Variants in OGDH observed in about 807,000 individuals in gnomAD.
OGDH encodes the protein 2-oxoglutarate dehydrogenase complex component E1.
A neutral mutation model predicts 116.6 loss-of-function variants in OGDH; 38 were observed. That is an observed-to-expected ratio of 0.33 (90% CI 0.25 to 0.43). The LOEUF (loss-of-function observed/expected upper bound fraction) is 0.43, where lower values mean the gene tolerates loss of function less well. Among genes scored for constraint, OGDH ranks in the 20% least tolerant of loss-of-function variants. The pLI is 1.00. For missense variants in OGDH, 825 were observed against 1,357.2 expected, an observed-to-expected ratio of 0.61 and a Z score of 6.16; for synonymous variants, 488 against 533.3, an observed-to-expected ratio of 0.92 and a Z score of 1.17.
At chr7:44,674,233 T>G (rs1182821354) in intron 6 of OGDH, among the ~76,000 whole-genome samples, 178 bp from the exon 7 acceptor site, 3 of 152,140 alleles carry the variant, frequency 2.0e-5, no homozygotes, top group Non-Finnish European at 4.4e-5. Flanking sequence ...TTAGTAGAGA[T>G]GAGGTTTCAC....
At position 44,693,812 on chromosome 7, in the gene OGDH, A is replaced by G. The variant is rs1172257201; in HGVS notation, c.1336-13A>G. 4 of 1,568,528 alleles carry G rather than the reference A, an allele frequency of 2.6e-6. No individual in the cohort carries two copies. The highest frequency in any genetic ancestry group is 2.7e-5 in the African/African-American group (2 of 74,152). The stretch of plus-strand genomic sequence containing the variant: ...GCCAGGTGCCCTCTTGCTAGGCTAC[A>G]TGTTCCTTGCAGATCGGCTTCACCA... On this transcript the variant is annotated splice_polypyrimidine_tract_variant and intron_variant, in intron 10 of 22. Coordinates refer to ENST00000222673, the MANE Select transcript of OGDH (RefSeq NM_002541.4).
intron 4 of OGDH, among the ~76,000 whole-genome samples, chr7:44,658,918 C>T (rs1562647345): frequency 6.6e-6 from 1 of 152,076 alleles, no homozygotes; most frequent in African/African-American, 2.4e-5. Flanking sequence ...TCACTGCAAC[C>T]TCCACCTCCC....
chr7:44,664,221 C>A (rs1465068624), intron 4 of OGDH, among the ~76,000 whole-genome samples: 1 of 152,162 alleles, frequency 6.6e-6, no homozygotes, highest in Non-Finnish European at 1.5e-5. Flanking sequence ...TTGTTATTGC[C>A]AGCAGAGGTG....
chr7:44,627,995 C>G (rs1785275330), intron 2 of OGDH, among the ~76,000 whole-genome samples: 1 of 152,186 alleles, frequency 6.6e-6, no homozygotes, highest in Non-Finnish European at 1.5e-5. Flanking sequence ...ATTTTTAAAT[C>G]TGTGTTTTAT....
intron 1 of OGDH, among the ~76,000 whole-genome samples, chr7:44,618,867 G>A (rs930629481): frequency 1.3e-5 from 2 of 152,228 alleles, no homozygotes; most frequent in African/African-American, 4.8e-5. Context: ...ACACCCACAG[G>A]AAGGAATCCT....
At chr7:44,627,133 A>G (rs1350284589) in intron 2 of OGDH, among the ~76,000 whole-genome samples, 1 of 152,162 alleles carries the variant, frequency 6.6e-6, no homozygotes, top group Non-Finnish European at 1.5e-5. Context: ...AGTAGCTGGG[A>G]TTACAGGCCT....
At chr7:44,674,701 A>T in intron 7 of OGDH, 144 bp downstream of exon 7, 2 of 865,744 alleles carry the variant, frequency 2.3e-6, no homozygotes, top group Non-Finnish European at 3.6e-6. Flanking sequence ...CTGAGGGTGT[A>T]TTGCTTTGCA....
chr7:44,633,679 A>G (rs1331268259), intron 2 of OGDH, among the ~76,000 whole-genome samples: 1 of 152,132 alleles, frequency 6.6e-6, no homozygotes, highest in South Asian at 2.1e-4. Context: ...GTCACGTGGT[A>G]TTCCCTCTGA....
At chr7:44,686,929 C>G (rs1194786502) in intron 10 of OGDH, among the ~76,000 whole-genome samples, 1 of 151,502 alleles carries the variant, frequency 6.6e-6, no homozygotes, top group African/African-American at 2.4e-5. Context: ...TCAGGTGATC[C>G]ACCCGCCTCA....
chr7:44,609,077 A>G (rs1049392080), intron 1 of OGDH, among the ~76,000 whole-genome samples: 1 of 152,066 alleles, frequency 6.6e-6, no homozygotes, highest in Non-Finnish European at 1.5e-5. Context: ...GGTAACCACT[A>G]ATCTGTTCTT....
chr7:44,676,360 A>G, intron 9 of OGDH: 2 of 1,059,362 alleles, frequency 1.9e-6, no homozygotes, highest in South Asian at 1.7e-5. Flanking sequence ...GTTGGAGACC[A>G]GCCTGACCAA....
chr7:44,680,602 A>C (rs995027030), intron 9 of OGDH, among the ~76,000 whole-genome samples: 2 of 152,164 alleles, frequency 1.3e-5, no homozygotes, highest in Non-Finnish European at 2.9e-5. Flanking sequence ...GTGCGCCTGC[A>C]TATGCACACA....
At chr7:44,614,976 A>T (rs1426441447) in intron 1 of OGDH, among the ~76,000 whole-genome samples, 1 of 151,778 alleles carries the variant, frequency 6.6e-6, no homozygotes, top group African/African-American at 2.4e-5. Context: ...GATTACAGGC[A>T]TGTGCCACCA....
chr7:44,707,326 C>T lies in OGDH; in HGVS notation c.2734C>T (p.Leu912Phe). The change falls in exon 21 of 23, where the codon CTC (leucine) becomes TTC (phenylalanine). Residue 912 changes from leucine to phenylalanine, a missense_variant. Transcript: ENST00000222673. The surrounding 1 kb of genome is among the most constrained non-coding windows in gnomAD (Gnocchi z 5.2). ...LFCTGKVYYD[L>F]TRERKARDMV... Reference sequence around the variant, plus strand: ...CTGCACCGGCAAAGTGTATTATGACCTCACCCGGGAGCGCAAAGCACGCGA... The same window carrying T: ...CTGCACCGGCAAAGTGTATTATGACTTCACCCGGGAGCGCAAAGCACGCGA... 1.2e-6 allele frequency: 2 copies of T among 1,614,256 alleles called. No individual in the cohort carries two copies. The highest frequency in any genetic ancestry group is 1.7e-6 in the Non-Finnish European group (2 of 1,180,042).
intron 2 of OGDH, among the ~76,000 whole-genome samples, chr7:44,643,809 T>C (rs1786053749): frequency 6.6e-6 from 1 of 152,202 alleles, no homozygotes; most frequent in African/African-American, 2.4e-5. Context: ...GCCTTGCCTC[T>C]CCAAGTTTTT....
At chr7:44,637,052 T>C (rs370645762) in intron 2 of OGDH, among the ~76,000 whole-genome samples, 2 of 152,160 alleles carry the variant, frequency 1.3e-5, no homozygotes, top group African/African-American at 4.8e-5. Context: ...AGTGGTTTTC[T>C]CCTTAATCTC....
At chr7:44,653,937 C>T (rs1433841016) in intron 4 of OGDH, among the ~76,000 whole-genome samples, 1 of 152,204 alleles carries the variant, frequency 6.6e-6, no homozygotes, top group Non-Finnish European at 1.5e-5. Flanking sequence ...TCACTGCAAC[C>T]TCTGCCTCCC....
At chr7:44,619,247 A>G (rs1330644051) in intron 1 of OGDH, among the ~76,000 whole-genome samples, 2 of 152,226 alleles carry the variant, frequency 1.3e-5, no homozygotes, top group African/African-American at 2.4e-5. Context: ...GGAGGGGGTC[A>G]TGGGATCTCC....
intron 2 of OGDH, among the ~76,000 whole-genome samples, chr7:44,641,918 C>T (rs994132203): frequency 6.6e-6 from 1 of 152,182 alleles, no homozygotes; most frequent in African/African-American, 2.4e-5. Flanking sequence ...TTTACTTTGC[C>T]TAGGGAGTTG....
Sources: gnomAD v4.1 joint callset for allele counts (sites outside exome capture counted in the v4.1 genomes callset) on GRCh38, gnomAD v4.1.1 for gene constraint, Gnocchi (gnomAD v3.1) non-coding constraint, MANE v1.5 for transcripts, NCBI Gene and HGNC (gene_info 2026-07-23, HGNC 2026-07-21) for gene names.